The following LAMA2 variants were observed in gnomAD, a reference collection of about 807,000 sequenced individuals.
LAMA2 encodes the protein laminin subunit alpha 2.
Under a neutral mutation model 364.8 loss-of-function variants are expected in LAMA2, and 269 were observed. The ratio of observed to expected loss-of-function variants is 0.74; its 90% CI spans 0.67 to 0.82. The LOEUF is 0.82. Ranked by LOEUF, LAMA2 falls within the 40% of genes least tolerant of loss-of-function variation. The pLI, the probability that LAMA2 is intolerant of heterozygous loss-of-function variation, is 0.00. For synonymous variants in LAMA2, 1,379 were observed against 1,370.6 expected (o/e 1.01, Z -0.14); for missense variants, 3,807 against 3,873.2 (o/e 0.98, Z 0.45).
At chr6:129,312,121 A>G (rs955996917) in intron 22 of LAMA2, among the ~76,000 whole-genome samples, 3 of 151,226 alleles carry the variant, frequency 2.0e-5, no homozygotes, top group Non-Finnish European at 2.9e-5. Context: ...ATGTTCCCAA[A>G]CTGAAAGAAC....
At chr6:129,402,570 T>G (rs1007952848) in intron 39 of LAMA2, 83 bp downstream of exon 39, 58 of 1,341,058 alleles carry the variant, frequency 4.3e-5, no homozygotes, top group Admixed American at 2.4e-4. Flanking sequence ...AGAGAATCAT[T>G]TTCAAATCCT....
chr6:129,243,661 T>C (rs528001210), intron 12 of LAMA2, among the ~76,000 whole-genome samples: 1 of 151,982 alleles, frequency 6.6e-6, no homozygotes, highest in African/African-American at 2.4e-5. Context: ...TTTATACTTC[T>C]GCAATTTAGG....
intron 1 of LAMA2, among the ~76,000 whole-genome samples, chr6:128,955,812 A>G (rs1781107735): frequency 6.6e-6 from 1 of 152,000 alleles, no homozygotes; most frequent in South Asian, 2.1e-4. Flanking sequence ...GCATTGAGCT[A>G]TTAATCATTG....
At chr6:129,324,181 G>A (rs1481803069) in intron 28 of LAMA2, among the ~76,000 whole-genome samples, 2 of 152,076 alleles carry the variant, frequency 1.3e-5, no homozygotes, top group African/African-American at 4.8e-5. Context: ...AACAATCATG[G>A]TATCTTTATT....
chr6:129,045,037 G>C (rs1787378524), intron 1 of LAMA2, among the ~76,000 whole-genome samples: 1 of 152,144 alleles, frequency 6.6e-6, no homozygotes, highest in Admixed American at 6.5e-5. Context: ...TAAAAGCTCA[G>C]ATATTGATTC....
chr6:129,504,450 TA>T (rs1279940830), intron 60 of LAMA2, among the ~76,000 whole-genome samples: 2 of 152,216 alleles, frequency 1.3e-5, no homozygotes, highest in Non-Finnish European at 2.9e-5. Context: ...TAGATATGTG[TA>T]AAATGAAGTG....
chr6:129,202,696 A>C (rs1256716286), intron 12 of LAMA2, among the ~76,000 whole-genome samples: 2 of 152,236 alleles, frequency 1.3e-5, no homozygotes, highest in African/African-American at 4.8e-5. Context: ...TATTAGGAAA[A>C]AACAACGCAA....
At chr6:129,480,579 T>C (rs1039411261) in intron 54 of LAMA2, among the ~76,000 whole-genome samples, 1 of 151,986 alleles carries the variant, frequency 6.6e-6, no homozygotes, top group Non-Finnish European at 1.5e-5. Context: ...ATGAATGAAT[T>C]ATAGAAAGCT....
intron 48 of LAMA2, among the ~76,000 whole-genome samples, chr6:129,457,310 G>A (rs996752022): frequency 1.8e-4 from 27 of 152,018 alleles, no homozygotes; most frequent in Admixed American, 7.9e-4. Flanking sequence ...AGTTATCCTC[G>A]TTTCTTAGAA....
At position 129,453,045 on chromosome 6, in the gene LAMA2, A is replaced by T; in HGVS notation, c.6487A>T (p.Lys2163Ter). Reference protein sequence around the residue: ...DCIRTYKPEIKKGSYNNIVVN... With the variant: ...DCIRTYKPEI ...CATTCGAACATACAAACCAGAAATC[A>T]AGAAAGGAAGTTACAATAATATTGT... The change falls in exon 46 of 65, where the codon AAG becomes TAG. Residue 2163 changes from lysine (K) to a stop codon, truncating the protein, a stop_gained. Transcript: ENST00000421865. LOFTEE classifies it high-confidence loss of function. 6.2e-7 allele frequency: 1 copy of T among 1,612,816 alleles called. No individual in the cohort carries two copies. The highest frequency in any genetic ancestry group is 1.3e-5 in the African/African-American group (1 of 75,006).
Position 129,300,768 on chromosome 6 carries a change from G to A in LAMA2, c.3070G>A (p.Asp1024Asn), listed in dbSNP as rs779130638. The A allele has an allele frequency of 3.3e-5, 53 of 1,613,508 alleles. No homozygotes were observed. The highest frequency in any genetic ancestry group is 4.5e-5 in the Non-Finnish European group (53 of 1,179,640). ...ATGTTCTCATCTGGGTAATAATTGT[G>A]ACCCAAAGACTGGGCGATGCATTTG... Reference protein sequence around the residue: ...CECSHLGNNCDPKTGRCICPP... With the variant: ...CECSHLGNNCNPKTGRCICPP... Residue 1024 changes from aspartate to asparagine, a missense_variant, in exon 22 of 65, where the codon GAC becomes AAC. Asp to Asn is a conservative substitution (Grantham distance 23). Transcript: ENST00000421865.
chr6:129,332,664 C>T (rs541628153), intron 29 of LAMA2, among the ~76,000 whole-genome samples: 11 of 152,210 alleles, frequency 7.2e-5, no homozygotes, highest in South Asian at 2.1e-4. Context: ...ATATCAAGCA[C>T]GCATTTCTCA....
chr6:128,883,793 T>TACACACACAC (rs1412752568), intron 1 of LAMA2, among the ~76,000 whole-genome samples: 1 of 125,770 alleles, frequency 8.0e-6, no homozygotes, highest in African/African-American at 4.3e-5. Flanking sequence ...AAATTATATA[T>TACACACACAC]ATATATATAC....
Position 129,446,186 on chromosome 6 carries a change from G to C in LAMA2, c.6429+365G>C, listed in dbSNP as rs1019482843. The stretch of plus-strand genomic sequence containing the variant: ...TTGCTAAAAACAAACCAAAAAAAAA[G>C]GCCAACTAATGGGGTTATGGCAGGA... On this transcript the variant is annotated intron_variant, in intron 45 of 64. Coordinates refer to ENST00000421865, the MANE Select transcript of LAMA2 (RefSeq NM_000426.4). 2.0e-5 allele frequency among the ~76,000 whole-genome samples: 3 copies of C among 151,402 alleles called. No individual in the cohort carries two copies. The East Asian group carries it at 5.9e-4, about 30-fold the overall frequency.
chr6:129,355,521 A>G (rs1394678213), intron 32 of LAMA2, among the ~76,000 whole-genome samples: 1 of 152,142 alleles, frequency 6.6e-6, no homozygotes, highest in Non-Finnish European at 1.5e-5. Context: ...GCAAGAGACC[A>G]AAAAATGGAT....
intron 9 of LAMA2, among the ~76,000 whole-genome samples, chr6:129,172,795 C>T (rs1270599177): frequency 2.6e-5 from 4 of 152,234 alleles, no homozygotes; most frequent in Non-Finnish European, 4.4e-5. Context: ...GCAGTTTGAT[C>T]TCAGACTGCT....
At chr6:129,341,451 C>G (rs1315408788) in intron 29 of LAMA2, among the ~76,000 whole-genome samples, 1 of 152,174 alleles carries the variant, frequency 6.6e-6, no homozygotes, top group African/African-American at 2.4e-5. Flanking sequence ...TCCCTTCTTC[C>G]TTTTTCTCAA....
intron 1 of LAMA2, among the ~76,000 whole-genome samples, chr6:128,969,569 T>A (rs1782061708): frequency 6.6e-6 from 1 of 152,078 alleles, no homozygotes; most frequent in South Asian, 2.1e-4. Flanking sequence ...TAGCTGGGAT[T>A]ACAGATTCAC....
intron 4 of LAMA2, among the ~76,000 whole-genome samples, chr6:129,115,826 C>A (rs1427960932): frequency 6.6e-6 from 1 of 152,076 alleles, no homozygotes; most frequent in African/African-American, 2.4e-5. Flanking sequence ...CATATCTGCC[C>A]ACGTTGGTTG....
Sources: allele counts gnomAD v4.1 joint callset (sites outside exome capture counted in the v4.1 genomes callset), GRCh38; gene constraint gnomAD v4.1.1; transcripts MANE v1.5; gene names NCBI Gene and HGNC (gene_info 2026-07-23, HGNC 2026-07-21).